Variants in DNA2 observed in about 807,000 individuals in gnomAD.
The protein encoded by DNA2 is DNA replication helicase/nuclease 2.
Under a neutral mutation model 119.1 loss-of-function variants are expected in DNA2, and 101 were observed. The ratio of observed to expected loss-of-function variants is 0.85; its 90% CI spans 0.72 to 1.00. DNA2 has a LOEUF of 1.00. Among genes scored for constraint, DNA2 ranks in the 50% least tolerant of loss-of-function variants. DNA2 has a pLI of 0.00. For synonymous variants in DNA2, 366 were observed against 424.4 expected, an observed-to-expected ratio of 0.86 and a Z score of 1.69; for missense variants, 1,121 against 1,255.5, an observed-to-expected ratio of 0.89 and a Z score of 1.62.
chr10:68,449,965 C>T lies in DNA2; in HGVS notation c.939+63G>A. 3.4e-6 allele frequency: 4 copies of T among 1,175,150 alleles called. 1 individual carries two copies. In the South Asian group the frequency reaches 6.1e-5, roughly 18 times the overall value. 72.8% of individuals were successfully genotyped at this position (1,175,150 alleles called of 1,614,324 possible). A position where few individuals can be genotyped will look rare whatever the true frequency, so the allele number is the denominator to read the frequency against. On this transcript the variant is annotated intron_variant, in intron 6 of 20. Transcript: ENST00000358410. ...CTCCAGCCTGGGAGACAGAACAAGA[C>T]TCTGTCTCAAAAAAAAAAAAAAAAA...
At chr10:68,468,073 C>G (rs148224276) in intron 3 of DNA2, 50 bp downstream of exon 3, 4 of 1,330,986 alleles carry the variant, frequency 3.0e-6, no homozygotes, top group Non-Finnish European at 4.0e-6. Flanking sequence ...TAAAAGTGCT[C>G]TGTAAAACTC....
At chr10:68,417,355 G>C (rs1164047327) in intron 19 of DNA2, among the ~76,000 whole-genome samples, 3 of 63,430 alleles carry the variant, frequency 4.7e-5, no homozygotes, top group Non-Finnish European at 8.8e-5. Context: ...ATACAGTTGA[G>C]AAAAATGAAC....
upstream of DNA2, chr10:68,472,093 C>T (rs763914620): frequency 3.2e-6 from 5 of 1,550,328 alleles, no homozygotes; most frequent in Non-Finnish European, 2.6e-6. Flanking sequence ...TGCTCCCTTG[C>T]TTAGGACTGG....
intron 17 of DNA2, among the ~76,000 whole-genome samples, chr10:68,420,699 A>ATT (rs71009059): frequency 1.0e-4 from 14 of 139,824 alleles, no homozygotes; most frequent in Admixed American, 1.5e-4. Context: ...AGCAATCTTG[A>ATT]TTTTTTTTTT....
chr10:68,430,676 AG>A lies in DNA2; in HGVS notation c.1984-17del. On this transcript the variant is annotated splice_polypyrimidine_tract_variant and intron_variant, in intron 13 of 20. Coordinates refer to ENST00000358410, the MANE Select transcript of DNA2 (RefSeq NM_001080449.3). ...GAATTCTTACCTAATAATGGGTAAG[AG>A]AAAAAAGAAAAAACAGCCTTACTTT... 2.7e-6 allele frequency: 4 copies of A among 1,487,518 alleles called. No individual in the cohort carries two copies. The highest frequency in any genetic ancestry group is 3.6e-6 in the Non-Finnish European group (4 of 1,108,636). The allele number at this position is 1,487,518 out of a possible 1,614,324, so 92.1% of individuals were successfully genotyped here. A position where few individuals can be genotyped will look rare whatever the true frequency, so the allele number is the denominator to read the frequency against.
intron 20 of DNA2, chr10:68,416,484 A>G (rs2051590947): frequency 2.3e-6 from 1 of 433,482 alleles, no homozygotes; most frequent in African/African-American, 2.0e-5. Flanking sequence ...ATAATACTCC[A>G]TTTTAATCTA....
At chr10:68,415,184 G>T in intron 20 of DNA2, 77 bp from the exon 21 acceptor site, 3 of 902,688 alleles carry the variant, frequency 3.3e-6, no homozygotes, top group South Asian at 1.9e-5. Context: ...TTAACATTTT[G>T]TAATTTGACT....
chr10:68,416,703 G>C lies in DNA2; in HGVS notation c.3114+6C>G. 6.2e-7 allele frequency: 1 copy of C among 1,609,814 alleles called. No homozygotes were observed. The highest frequency in any genetic ancestry group is 8.5e-7 in the Non-Finnish European group (1 of 1,176,328). On this transcript the variant is annotated splice_donor_region_variant and intron_variant, in intron 20 of 20. Coordinates refer to ENST00000358410, the MANE Select transcript of DNA2 (RefSeq NM_001080449.3). The stretch of plus-strand genomic sequence containing the variant: ...AATGTGACCATATACAGAAGAAAAA[G>C]GATATTAATTTTTCTGAGTTTAAAT...
intron 5 of DNA2, among the ~76,000 whole-genome samples, chr10:68,457,634 TA>T (rs987372144): frequency 6.6e-6 from 1 of 150,632 alleles, no homozygotes; most frequent in African/African-American, 2.4e-5. Flanking sequence ...TCCAAGCACC[TA>T]AAACATTACT....
rs928272394 is a variant in DNA2, at chr10:68,446,429, C to T, written c.940-16G>A. ...ACAGAACAACCTGTGCAAACATTGA[C>T]ATTTGCTCAAACAAAACTATAACTT... On this transcript the variant is annotated splice_polypyrimidine_tract_variant and intron_variant, in intron 6 of 20. Coordinates refer to ENST00000358410, the MANE Select transcript of DNA2 (RefSeq NM_001080449.3). 2 of 1,468,044 alleles carry T rather than the reference C, an allele frequency of 1.4e-6. No individual in the cohort carries two copies. Among genetic ancestry groups the T allele is most frequent in the Non-Finnish European group, 1.9e-6 (2 of 1,075,456 alleles). The allele number at this position is 1,468,044 out of a possible 1,614,324, so 90.9% of individuals were successfully genotyped here.
chr10:68,425,493 C>T (rs1297283836), intron 14 of DNA2, among the ~76,000 whole-genome samples: 3 of 151,596 alleles, frequency 2.0e-5, no homozygotes, highest in East Asian at 3.9e-4. Flanking sequence ...GCTCCGCCTC[C>T]CCGGTTCACG....
Position 68,446,284 on chromosome 10 carries a change from A to C in DNA2, c.1057+12T>G. 3 of 1,504,792 alleles carry C rather than the reference A, an allele frequency of 2.0e-6. No individual in the cohort carries two copies. In the South Asian group the frequency reaches 3.8e-5, roughly 19 times the overall value. The allele number at this position is 1,504,792 out of a possible 1,614,324, so 93.2% of individuals were successfully genotyped here. The stretch of plus-strand genomic sequence containing the variant: ...GGGCAAAGAAGTAAAACTAAAAAAA[A>C]AACGGCTCAACCTCTTTTATCTAGA... On this transcript the variant is annotated intron_variant, in intron 7 of 20. Coordinates refer to ENST00000358410, the MANE Select transcript of DNA2 (RefSeq NM_001080449.3).
intron 10 of DNA2, among the ~76,000 whole-genome samples, chr10:68,435,764 T>C (rs567514563): frequency 1.3e-5 from 2 of 152,294 alleles, no homozygotes; most frequent in African/African-American, 4.8e-5. Flanking sequence ...TATATATTTT[T>C]ATTTAAATCA....
intron 6 of DNA2, among the ~76,000 whole-genome samples, chr10:68,448,149 A>C (rs2052067235): frequency 6.6e-6 from 1 of 152,164 alleles, no homozygotes. Flanking sequence ...TTTTGAAGTT[A>C]ACAGTCTGTA....
chr10:68,441,147 A>G (rs556500973), intron 9 of DNA2, among the ~76,000 whole-genome samples: 1 of 151,932 alleles, frequency 6.6e-6, no homozygotes, highest in South Asian at 2.1e-4. Flanking sequence ...AGCCTGGGCC[A>G]TATAGCAAGA....
chr10:68,440,888 G>A (rs2051958635), intron 9 of DNA2, among the ~76,000 whole-genome samples: 1 of 152,222 alleles, frequency 6.6e-6, no homozygotes, highest in African/African-American at 2.4e-5. Flanking sequence ...ACTACGCAAA[G>A]ATAAATTCTA....
intron 2 of DNA2, among the ~76,000 whole-genome samples, chr10:68,468,784 C>T (rs2052353939): frequency 6.6e-6 from 1 of 152,208 alleles, no homozygotes; most frequent in South Asian, 2.1e-4. Context: ...GGCGCGGTGG[C>T]TCATGCCTAT....
At chr10:68,462,342 G>GAGCAAGA (rs1366245816) in intron 4 of DNA2, among the ~76,000 whole-genome samples, 2 of 152,218 alleles carry the variant, frequency 1.3e-5, no homozygotes, top group African/African-American at 4.8e-5. Context: ...TTGCAATCCA[G>GAGCAAGA]CCTGGGTGAC....
chr10:68,469,148 T>C (rs1465602214), intron 2 of DNA2, among the ~76,000 whole-genome samples: 1 of 152,168 alleles, frequency 6.6e-6, no homozygotes, highest in South Asian at 2.1e-4. Context: ...ACCCCTCACA[T>C]ACCACACTTT....
Sources: allele counts gnomAD v4.1 joint callset (sites outside exome capture counted in the v4.1 genomes callset), GRCh38; gene constraint gnomAD v4.1.1; transcripts MANE v1.5; gene names NCBI Gene and HGNC (gene_info 2026-07-23, HGNC 2026-07-21).